SENP6: variants seen among roughly 807,000 people sequenced by gnomAD.
The protein encoded by SENP6 is sentrin-specific protease 6.
SENP6 carries 41 observed loss-of-function variants against 134.5 expected under a neutral mutation model. The ratio of observed to expected loss-of-function variants is 0.30; its 90% CI spans 0.24 to 0.40. SENP6 has a LOEUF of 0.40. Ranked by LOEUF, SENP6 falls within the 10% of genes least tolerant of loss-of-function variation. The pLI, the probability that SENP6 is intolerant of heterozygous loss-of-function variation, is 1.00. For missense variants in SENP6, 1,248 were observed against 1,312.5 expected (o/e 0.95, Z 0.76); for synonymous variants, 395 against 429.8 (o/e 0.92, Z 1.00).
chr6:75,678,458 G>C, intron 14 of SENP6, 125 bp from the exon 15 acceptor site: 1 of 607,312 alleles, frequency 1.6e-6, no homozygotes, highest in Non-Finnish European at 2.9e-6. Flanking sequence ...TAAGTATCAT[G>C]CATACTTTTT....
chr6:75,655,593 T>A (rs1273313438), intron 7 of SENP6, among the ~76,000 whole-genome samples: 1 of 152,210 alleles, frequency 6.6e-6, no homozygotes, highest in Non-Finnish European at 1.5e-5. Flanking sequence ...TCATTCAGGA[T>A]CTTATTTTGA....
intron 7 of SENP6, among the ~76,000 whole-genome samples, chr6:75,651,810 T>G (rs1340663894): frequency 1.3e-5 from 2 of 152,204 alleles, no homozygotes; most frequent in Non-Finnish European, 2.9e-5. Context: ...CTTTATGATA[T>G]CTAGTTTTTA....
intron 3 of SENP6, among the ~76,000 whole-genome samples, chr6:75,629,412 G>T (rs1336890252): frequency 6.6e-6 from 1 of 152,046 alleles, no homozygotes; most frequent in Non-Finnish European, 1.5e-5. Context: ...CAATTCTCTT[G>T]CCTCAGCCTC....
intron 10 of SENP6, among the ~76,000 whole-genome samples, chr6:75,667,473 AAG>A (rs1772333027): frequency 6.6e-6 from 1 of 152,178 alleles, no homozygotes; most frequent in Non-Finnish European, 1.5e-5. Context: ...AATGGACAAA[AAG>A]AAAATTCATG....
chr6:75,640,731 G>T, intron 6 of SENP6, 27 bp downstream of exon 6: 1 of 1,403,944 alleles, frequency 7.1e-7, no homozygotes, highest in Non-Finnish European at 9.7e-7. Flanking sequence ...AGAAATTAGA[G>T]CATGGATATA....
intron 20 of SENP6, 83 bp downstream of exon 20, chr6:75,709,713 T>G: frequency 1.1e-6 from 1 of 905,754 alleles, no homozygotes; most frequent in Non-Finnish European, 1.7e-6. Flanking sequence ...TGCACACCTG[T>G]AGTCCCAGTG....
At position 75,713,530 on chromosome 6, in the gene SENP6, T is replaced by C. The variant is rs1484571648; in HGVS notation, c.2927T>C (p.Met976Thr). 1.9e-6 allele frequency: 3 copies of C among 1,613,674 alleles called. No homozygotes were observed. The highest frequency in any genetic ancestry group is 2.5e-6 in the Non-Finnish European group (3 of 1,179,802). Residue 976 changes from methionine (M) to threonine (T), a missense_variant, in exon 22 of 24, where the codon ATG becomes ACG. Physicochemically the swap from Met to Thr is moderately conservative, Grantham distance 81. Around this residue, in one of 3 missense-constraint regions of SENP6, gnomAD observed 386 missense variants for 395.0 expected, o/e 0.98. Transcript: ENST00000447266. ...CCCTGCAGACCTTGTATCCTACTTA[T>C]GGACTCACTCCGAGGCCCTTCTCGG... is the stretch of plus-strand genomic sequence containing the variant. ...TICKQPCILL[M>T]DSLRGPSRSN...
At chr6:75,638,555 AGTGT>A (rs59936116) in intron 5 of SENP6, among the ~76,000 whole-genome samples, 24 of 26,336 alleles carry the variant, frequency 9.1e-4, no homozygotes, top group African/African-American at 1.9e-3. Context: ...TTGTGTGTGT[AGTGT>A]GTGTGTGTGT....
Position 75,602,331 on chromosome 6 carries a change from C to T in SENP6, c.-194C>T. The T allele has an allele frequency of 4.0e-6, 2 of 500,392 alleles. No individual in the cohort carries two copies. The highest frequency in any genetic ancestry group is 6.8e-6 in the Non-Finnish European group (2 of 294,572). The allele number at this position is 500,392 out of a possible 1,614,324, so 31.0% of individuals were successfully genotyped here. A position where few individuals can be genotyped will look rare whatever the true frequency, so the allele number is the denominator to read the frequency against. On this transcript the variant is annotated 5_prime_UTR_variant, in exon 1 of 24. Coordinates refer to ENST00000447266, the MANE Select transcript of SENP6 (RefSeq NM_015571.4). Reference sequence around the variant, plus strand: ...GCGGGCCTCGCTGCCCGCCAGCCCGCGGACAGGCCCGGGCGCGCCTGGCCT... The same window carrying T: ...GCGGGCCTCGCTGCCCGCCAGCCCGTGGACAGGCCCGGGCGCGCCTGGCCT...
intron 7 of SENP6, among the ~76,000 whole-genome samples, chr6:75,656,625 A>G (rs1771360058): frequency 6.6e-6 from 1 of 152,164 alleles, no homozygotes; most frequent in Admixed American, 6.5e-5. Flanking sequence ...TGGAATCCTA[A>G]TGGAATTTCT....
intron 16 of SENP6, among the ~76,000 whole-genome samples, chr6:75,688,442 A>C (rs1204866150): frequency 6.6e-6 from 1 of 152,148 alleles, no homozygotes; most frequent in Admixed American, 6.5e-5. Flanking sequence ...TAGTTACCTC[A>C]GTTGGAAACG....
In SENP6 at chr6:75,618,004, A is replaced by T. The variant is rs1767989492; in HGVS notation, c.53-3528A>T. Among the ~76,000 whole-genome samples the T allele has an allele frequency of 3.3e-5, 5 of 152,346 alleles. No individual in the cohort carries two copies. The South Asian group carries it at 1.0e-3, about 32-fold the overall frequency. ...TGAAGTGCTATTTTCATCATACCAT[A>T]TTAAAGGGTACATGCCATGAATAAG... On this transcript the variant is annotated intron_variant, in intron 1 of 23. Coordinates refer to ENST00000447266, the MANE Select transcript of SENP6 (RefSeq NM_015571.4).
chr6:75,643,419 A>G (rs889409816), intron 6 of SENP6, among the ~76,000 whole-genome samples: 6 of 152,258 alleles, frequency 3.9e-5, no homozygotes, highest in Non-Finnish European at 8.8e-5. Flanking sequence ...AGATGGAGTT[A>G]AGGATTAAAA....
At chr6:75,629,012 A>G (rs1768910362) in intron 3 of SENP6, among the ~76,000 whole-genome samples, 1 of 152,226 alleles carries the variant, frequency 6.6e-6, no homozygotes, top group African/African-American at 2.4e-5. Flanking sequence ...GGCATAAGCC[A>G]CTGTGCCTGG....
intron 13 of SENP6, among the ~76,000 whole-genome samples, 184 bp downstream of exon 13, chr6:75,676,238 A>G (rs1373363764): frequency 1.3e-5 from 2 of 152,160 alleles, no homozygotes; most frequent in African/African-American, 4.8e-5. Context: ...AAACTCACAG[A>G]AAGTGGAAGG....
intron 5 of SENP6, among the ~76,000 whole-genome samples, chr6:75,638,224 C>T (rs1477836145): frequency 7.4e-6 from 1 of 134,366 alleles, no homozygotes. Context: ...ATCTATTAGT[C>T]TTTTTCCCTT....
chr6:75,710,600 T>C (rs1775692658), intron 20 of SENP6, among the ~76,000 whole-genome samples: 2 of 152,204 alleles, frequency 1.3e-5, no homozygotes, highest in Non-Finnish European at 2.9e-5. Flanking sequence ...ATCCAACATA[T>C]ATAGGAATTA....
intron 3 of SENP6, among the ~76,000 whole-genome samples, chr6:75,629,546 C>CA (rs932571515): frequency 3.0e-4 from 45 of 152,300 alleles, no homozygotes; most frequent in Non-Finnish European, 3.1e-4. Context: ...GTGATCCGCC[C>CA]ACCTTGGCTT....
At chr6:75,715,015 A>C (rs1775952480) in intron 23 of SENP6, among the ~76,000 whole-genome samples, 1 of 152,206 alleles carries the variant, frequency 6.6e-6, no homozygotes, top group African/African-American at 2.4e-5. Flanking sequence ...TAAAGTAGTA[A>C]ATACATTAGG....
Sources: allele counts gnomAD v4.1 joint callset (sites outside exome capture counted in the v4.1 genomes callset), GRCh38; gene constraint gnomAD v4.1.1; regional missense constraint gnomAD v4.1.1; transcripts MANE v1.5; gene names NCBI Gene and HGNC (gene_info 2026-07-23, HGNC 2026-07-21).